The following SPAG16 variants were observed in gnomAD, a reference collection of about 807,000 sequenced individuals.
SPAG16 encodes sperm-associated antigen 16 protein.
A neutral mutation model predicts 80.4 loss-of-function variants in SPAG16; 86 were observed. The ratio of observed to expected loss-of-function variants is 1.07; its 90% CI spans 0.90 to 1.28. SPAG16 has a LOEUF of 1.28. Among genes scored for constraint, SPAG16 ranks in the 50% most tolerant of loss-of-function variants. The pLI is 0.00. For missense variants in SPAG16, 870 were observed against 765.3 expected, an observed-to-expected ratio of 1.14 and a Z score of -1.61; for synonymous variants, 294 against 265.9, an observed-to-expected ratio of 1.11 and a Z score of -1.03.
chr2:214,299,961 G>A (rs1328872412), intron 15 of SPAG16, among the ~76,000 whole-genome samples: 1 of 152,072 alleles, frequency 6.6e-6, no homozygotes, highest in Non-Finnish European at 1.5e-5. Context: ...ATTTTTAAGG[G>A]ACTTTTATCA....
In SPAG16 at chr2:213,833,476, A is replaced by AAT. The variant is rs1206449285; in HGVS notation, c.1071-29000_1071-28999dup. Among the ~76,000 whole-genome samples, 2 of 5,020 alleles carry AAT rather than the reference A, an allele frequency of 4.0e-4. 1 individual carries two copies. The highest frequency in any genetic ancestry group is 8.7e-4 in the Non-Finnish European group (2 of 2,294). The allele number at this position is 5,020 out of a possible 152,430, so 3.3% of individuals were successfully genotyped here. On this transcript the variant is annotated intron_variant, in intron 10 of 15. Transcript: ENST00000331683. ...ATATTATATATATATTATATATAAT[A>AAT]ATATATATATTATATATAATATATA...
chr2:213,867,244 A>C lies in SPAG16; in HGVS notation c.1214+4616A>C, dbSNP rs550843543. ...TTGCATTTACTTGGTAGACTGATGG[A>C]AATGTTGGTAGCTGTTGAAAGTGAT... is the stretch of plus-strand genomic sequence containing the variant. On this transcript the variant is annotated intron_variant, in intron 11 of 15. Coordinates refer to ENST00000331683, the MANE Select transcript of SPAG16 (RefSeq NM_024532.5). Among the ~76,000 whole-genome samples, 36 of 152,332 alleles carry C rather than the reference A, an allele frequency of 2.4e-4. No individual in the cohort carries two copies. The South Asian group carries it at 6.8e-3, about 29-fold the overall frequency.
At chr2:213,453,580 T>A (rs1477973109) in intron 9 of SPAG16, among the ~76,000 whole-genome samples, 1 of 152,208 alleles carries the variant, frequency 6.6e-6, no homozygotes, top group East Asian at 1.9e-4. Flanking sequence ...ATAAAAATGT[T>A]TGCAGGATGA....
chr2:213,756,658 C>T (rs186072112), intron 10 of SPAG16, among the ~76,000 whole-genome samples: 195 of 152,292 alleles, frequency 1.3e-3, no homozygotes, highest in African/African-American at 4.4e-3. Context: ...TATGGGATCT[C>T]TGGGAGCGGG....
intron 9 of SPAG16, among the ~76,000 whole-genome samples, chr2:213,394,837 T>TG (rs1332877067): frequency 6.6e-6 from 1 of 152,202 alleles, no homozygotes; most frequent in Non-Finnish European, 1.5e-5. Context: ...AATTCACCAG[T>TG]GAAACCATAT....
intron 5 of SPAG16, among the ~76,000 whole-genome samples, chr2:213,329,052 A>T (rs1355822699): frequency 6.6e-6 from 1 of 152,050 alleles, no homozygotes; most frequent in East Asian, 1.9e-4. Flanking sequence ...TTTGTCTTGC[A>T]CCATGATAGT....
At chr2:214,344,110 G>A (rs972955391) in intron 15 of SPAG16, among the ~76,000 whole-genome samples, 1 of 152,140 alleles carries the variant, frequency 6.6e-6, no homozygotes, top group African/African-American at 2.4e-5. Flanking sequence ...TGAAAATGCT[G>A]TTCTATATTC....
chr2:214,266,305 T>C (rs2125882941), intron 15 of SPAG16, among the ~76,000 whole-genome samples: 1 of 152,032 alleles, frequency 6.6e-6, no homozygotes, highest in East Asian at 1.9e-4. Context: ...GCCACAAGAA[T>C]GTTAGTAATG....
At chr2:214,095,086 T>G (rs2052492089) in intron 13 of SPAG16, among the ~76,000 whole-genome samples, 1 of 152,000 alleles carries the variant, frequency 6.6e-6, no homozygotes. Context: ...TGGAAGGAAC[T>G]CAAAAGTTCT....
At chr2:213,936,711 T>C (rs1200064547) in intron 12 of SPAG16, among the ~76,000 whole-genome samples, 1 of 152,200 alleles carries the variant, frequency 6.6e-6, no homozygotes, top group Non-Finnish European at 1.5e-5. Context: ...ACTGGGACAC[T>C]AATATAAACA....
At chr2:213,533,313 C>G (rs551735970) in intron 10 of SPAG16, among the ~76,000 whole-genome samples, 1 of 152,294 alleles carries the variant, frequency 6.6e-6, no homozygotes, top group East Asian at 1.9e-4. Flanking sequence ...AATTTCTCCT[C>G]CCTCCTCCTA....
intron 15 of SPAG16, among the ~76,000 whole-genome samples, chr2:214,329,460 T>G (rs1413978797): frequency 6.6e-6 from 1 of 152,216 alleles, no homozygotes; most frequent in African/African-American, 2.4e-5. Flanking sequence ...GTATTGTCTG[T>G]TCTGAGAAAG....
At chr2:214,238,317 A>G (rs1689217664) in intron 15 of SPAG16, 1 of 198,694 alleles carries the variant, frequency 5.0e-6, no homozygotes, top group African/African-American at 2.4e-5. Context: ...GCCATTTCAT[A>G]CTACCCAATT....
intron 10 of SPAG16, among the ~76,000 whole-genome samples, chr2:213,774,732 GT>G (rs1304058445): frequency 6.6e-6 from 1 of 152,120 alleles, no homozygotes; most frequent in East Asian, 1.9e-4. Flanking sequence ...AATAATACCT[GT>G]GCCCTAGATA....
intron 15 of SPAG16, among the ~76,000 whole-genome samples, chr2:214,390,362 C>A (rs1167481590): frequency 1.6e-5 from 2 of 128,522 alleles, no homozygotes; most frequent in Non-Finnish European, 3.3e-5. Flanking sequence ...AAAAAAAAGT[C>A]CTTTTCACTC....
At chr2:213,502,291 AT>A (rs988802185) in intron 10 of SPAG16, among the ~76,000 whole-genome samples, 2 of 149,810 alleles carry the variant, frequency 1.3e-5, no homozygotes, top group African/African-American at 2.4e-5. Context: ...TATTTAAAAA[AT>A]TTTTTTTTTC....
At chr2:213,349,000 A>G (rs1454158860) in intron 6 of SPAG16, among the ~76,000 whole-genome samples, 1 of 152,228 alleles carries the variant, frequency 6.6e-6, no homozygotes, top group Non-Finnish European at 1.5e-5. Flanking sequence ...CAAAGGATGG[A>G]TGTCATACAT....
At chr2:213,712,047 C>A (rs2125362671) in intron 10 of SPAG16, among the ~76,000 whole-genome samples, 1 of 152,082 alleles carries the variant, frequency 6.6e-6, no homozygotes, top group African/African-American at 2.4e-5. Flanking sequence ...CTCAGGAGGG[C>A]ACATTTATTT....
intron 14 of SPAG16, among the ~76,000 whole-genome samples, chr2:214,144,946 A>G (rs1340691355): frequency 1.3e-5 from 2 of 152,052 alleles, no homozygotes; most frequent in African/African-American, 4.8e-5. Flanking sequence ...AGGGACTTTC[A>G]TAGAAAAAAT....
Sources: gnomAD v4.1 joint callset for allele counts (sites outside exome capture counted in the v4.1 genomes callset) on GRCh38, gnomAD v4.1.1 for gene constraint, MANE v1.5 for transcripts, NCBI Gene and HGNC (gene_info 2026-07-23, HGNC 2026-07-21) for gene names.